NDNF: variants seen among roughly 807,000 people sequenced by gnomAD.
NDNF encodes neuron derived neurotrophic factor, also known as protein NDNF.
NDNF carries 16 observed loss-of-function variants against 42.0 expected under a neutral mutation model. That is an observed-to-expected ratio of 0.38 (90% CI 0.26 to 0.58). The LOEUF (loss-of-function observed/expected upper bound fraction) is 0.58. Ranked by LOEUF, NDNF falls within the 20% of genes least tolerant of loss-of-function variation. The probability of loss-of-function intolerance (pLI) is 0.67; values close to 1 mark genes in which losing one functional copy is unlikely to be tolerated. For synonymous variants in NDNF, 248 were observed against 251.7 expected, an observed-to-expected ratio of 0.99 and a Z score of 0.14; for missense variants, 616 against 666.2, an observed-to-expected ratio of 0.92 and a Z score of 0.83.
intron 1 of NDNF, among the ~76,000 whole-genome samples, chr4:121,049,605 G>C (rs542994157): frequency 6.6e-6 from 1 of 152,032 alleles, no homozygotes; most frequent in Non-Finnish European, 1.5e-5. Context: ...GCTTGCAAGT[G>C]GGCTAAAATC....
intron 1 of NDNF, among the ~76,000 whole-genome samples, chr4:121,049,866 T>C (rs1486572535): frequency 6.6e-6 from 1 of 152,214 alleles, no homozygotes; most frequent in South Asian, 2.1e-4. Context: ...AAACATACTT[T>C]TCAAAAAAGT....
chr4:121,060,783 T>C (rs528844597), intron 1 of NDNF, among the ~76,000 whole-genome samples: 11 of 152,324 alleles, frequency 7.2e-5, no homozygotes, highest in African/African-American at 1.9e-4. Flanking sequence ...GTCTGGAAGC[T>C]TCAACTCTCC....
intron 1 of NDNF, among the ~76,000 whole-genome samples, chr4:121,053,813 C>CT (rs951451319): frequency 2.2e-4 from 34 of 152,180 alleles, no homozygotes; most frequent in African/African-American, 8.2e-4. Context: ...GCTTTTCTTG[C>CT]TTTTGTTTGG....
chr4:121,037,760 G>A, intron 3 of NDNF, 103 bp from the exon 4 acceptor site: 1 of 729,122 alleles, frequency 1.4e-6, no homozygotes, highest in Non-Finnish European at 2.2e-6. Context: ...TATGAAAATA[G>A]TACATGTTCA....
At chr4:121,055,212 G>A (rs2148768677) in intron 1 of NDNF, among the ~76,000 whole-genome samples, 1 of 152,268 alleles carries the variant, frequency 6.6e-6, no homozygotes, top group South Asian at 2.1e-4. Flanking sequence ...TTTCAGTGAA[G>A]TGGTAGTTTT....
At chr4:121,054,479 G>C (rs1727251206) in intron 1 of NDNF, among the ~76,000 whole-genome samples, 1 of 152,198 alleles carries the variant, frequency 6.6e-6, no homozygotes, top group South Asian at 2.1e-4. Flanking sequence ...ATTGCTGCTA[G>C]CTATGCTAAA....
Position 121,036,373 on chromosome 4 carries a change from T to G in NDNF, c.1598A>C (p.Lys533Thr), listed in dbSNP as rs1269168319. 6.2e-7 allele frequency: 1 copy of G among 1,614,074 alleles called. No homozygotes were observed. The highest frequency in any genetic ancestry group is 8.5e-7 in the Non-Finnish European group (1 of 1,180,032). Reference sequence around the variant, plus strand: ...GTAAGATTTGCCAGGCTGAAGACCTTTAATTGTTTCTGTGGTCACTGCTTT... The same window carrying G: ...GTAAGATTTGCCAGGCTGAAGACCTGTAATTGTTTCTGTGGTCACTGCTTT... ...LQKAVTTETIKGLQPGKSYLL... is the reference protein window; with the variant it reads ...LQKAVTTETITGLQPGKSYLL... Residue 533 changes from lysine (K) to threonine (T), a missense_variant, in exon 4 of 4, where the codon AAA becomes ACA. By Grantham distance (78) the Lys-to-Thr change is moderately conservative (BLOSUM62 -1). Coordinates refer to ENST00000379692, the MANE Select transcript of NDNF (RefSeq NM_024574.4).
rs780418474 is a variant in NDNF, at chr4:121,037,407, C to A, written c.564G>T (p.Gly188=). ...YDPRVDVTSL[G]RTTVTLAWKP... is the part of the protein sequence containing the mutation. ...TCCAGGCCAAAGTGACCGTGGTGCG[C>A]CCCAGTGAGGTCACATCTACTCTTG... is the stretch of plus-strand genomic sequence containing the variant. Residue 188 remains glycine (G), a synonymous_variant, in exon 4 of 4, where the codon GGG becomes GGT. Coordinates refer to ENST00000379692, the MANE Select transcript of NDNF (RefSeq NM_024574.4). The A allele has an allele frequency of 2.9e-5, 47 of 1,614,004 alleles. No individual in the cohort carries two copies. In the South Asian group the frequency reaches 4.9e-4, roughly 17 times the overall value.
intron 1 of NDNF, among the ~76,000 whole-genome samples, chr4:121,053,536 T>A (rs555429021): frequency 2.2e-4 from 33 of 152,304 alleles, no homozygotes; most frequent in African/African-American, 7.7e-4. Context: ...TAGTCTGTAA[T>A]TCAGGAAGCC....
At chr4:121,052,678 C>T (rs933817195) in intron 1 of NDNF, among the ~76,000 whole-genome samples, 10 of 152,062 alleles carry the variant, frequency 6.6e-5, no homozygotes, top group Admixed American at 1.3e-4. Flanking sequence ...GGGCAGCAAG[C>T]GAAGAGGACT....
intron 1 of NDNF, among the ~76,000 whole-genome samples, chr4:121,053,782 G>T (rs1421055402): frequency 6.6e-6 from 1 of 152,168 alleles, no homozygotes; most frequent in Non-Finnish European, 1.5e-5. Flanking sequence ...AGCCCCAAAG[G>T]AAGGAATAAT....
rs774420436 is a variant in NDNF, at chr4:121,036,635, A to T, written c.1336T>A (p.Ser446Thr). 9.9e-6 allele frequency: 16 copies of T among 1,614,030 alleles called. No homozygotes were observed. Among genetic ancestry groups the T allele is most frequent in the Admixed American group, 5.0e-5 (3 of 59,984 alleles). ...TTRPTKQSFP[S>T]LPEDTRIKAF... ...TTGATTCTTGTGTCTTCAGGAAGAGAGGGAAATGACTGCTTAGTAGGCCTT... is the reference window on the plus strand; with the variant it reads ...TTGATTCTTGTGTCTTCAGGAAGAGTGGGAAATGACTGCTTAGTAGGCCTT... The change falls in exon 4 of 4, where the codon TCT becomes ACT. Residue 446 changes from serine (S) to threonine (T), a missense_variant. Transcript: ENST00000379692.
At chr4:121,065,737 C>T (rs188863676) in intron 1 of NDNF, among the ~76,000 whole-genome samples, 35 of 151,506 alleles carry the variant, frequency 2.3e-4, no homozygotes, top group African/African-American at 7.5e-4. Flanking sequence ...CACACACACA[C>T]ACATATATTT....
chr4:121,038,071 A>G (rs1351216316), intron 3 of NDNF: 1 of 157,792 alleles, frequency 6.3e-6, no homozygotes, highest in African/African-American at 2.4e-5. Context: ...AGTACCAGTA[A>G]GAATATTTGG....
chr4:121,055,946 G>T (rs1419749998), intron 1 of NDNF, among the ~76,000 whole-genome samples: 7 of 152,206 alleles, frequency 4.6e-5, no homozygotes, highest in Admixed American at 4.6e-4. Flanking sequence ...TTTCGTCCTG[G>T]AAAGTGGTTG....
intron 1 of NDNF, among the ~76,000 whole-genome samples, chr4:121,069,135 T>C (rs1195098264): frequency 6.6e-6 from 1 of 152,152 alleles, no homozygotes; most frequent in African/African-American, 2.4e-5. Flanking sequence ...AAAACTAAAA[T>C]CTGAAACAAC....
intron 2 of NDNF, among the ~76,000 whole-genome samples, chr4:121,041,008 G>C (rs1448352469): frequency 6.6e-6 from 1 of 152,148 alleles, no homozygotes; most frequent in Non-Finnish European, 1.5e-5. Flanking sequence ...AAAAAGTAAA[G>C]AGCACTGTGT....
chr4:121,051,005 T>TAC (rs534328280), intron 1 of NDNF, among the ~76,000 whole-genome samples: 2 of 152,098 alleles, frequency 1.3e-5, no homozygotes, highest in African/African-American at 4.8e-5. Context: ...TATGAATATA[T>TAC]ACACACACAT....
At chr4:121,041,716 T>C (rs898443088) in intron 2 of NDNF, among the ~76,000 whole-genome samples, 3 of 152,224 alleles carry the variant, frequency 2.0e-5, no homozygotes, top group African/African-American at 7.2e-5. Flanking sequence ...CATTAATTCA[T>C]CCAACAAACA....
Sources: allele counts gnomAD v4.1 joint callset (sites outside exome capture counted in the v4.1 genomes callset), GRCh38; gene constraint gnomAD v4.1.1; transcripts MANE v1.5; gene names NCBI Gene and HGNC (gene_info 2026-07-23, HGNC 2026-07-21).